The following ZNF605 variants were observed in gnomAD, a reference collection of about 807,000 sequenced individuals.
ZNF605 encodes the protein zinc finger protein 605.
Under a neutral mutation model 7.9 loss-of-function variants are expected in ZNF605, and 9 were observed. That is an observed-to-expected ratio of 1.14 (90% CI 0.68 to 1.98). ZNF605 has a LOEUF of 1.98. Among genes scored for constraint, ZNF605 ranks in the 30% most tolerant of loss-of-function variants. The pLI, the probability that ZNF605 is intolerant of heterozygous loss-of-function variation, is 0.00. For synonymous variants in ZNF605, 255 were observed against 260.1 expected, an observed-to-expected ratio of 0.98 and a Z score of 0.19; for missense variants, 673 against 762.4, an observed-to-expected ratio of 0.88 and a Z score of 1.38.
chr12:132,944,374 G>T (rs968846868), intron 3 of ZNF605, among the ~76,000 whole-genome samples: 4 of 152,142 alleles, frequency 2.6e-5, no homozygotes, highest in Non-Finnish European at 4.4e-5. Context: ...TGACTAGGTG[G>T]TAAGAATTCC....
Position 132,954,225 on chromosome 12 carries a change from C to T in ZNF605, c.-286+2018G>A, listed in dbSNP as rs373376924. Among the ~76,000 whole-genome samples, 4 of 149,974 alleles carry T rather than the reference C, an allele frequency of 2.7e-5. No individual in the cohort carries two copies. The East Asian group carries it at 6.1e-4, about 23-fold the overall frequency. Reference sequence around the variant, plus strand: ...AGGGCTTTTAAATACAGATGCCAGACACCATAATCACCAGCACCCCCAAAG... The same window carrying T: ...AGGGCTTTTAAATACAGATGCCAGATACCATAATCACCAGCACCCCCAAAG... On this transcript the variant is annotated intron_variant, in intron 1 of 4. Transcript: ENST00000360187.
Position 132,925,329 on chromosome 12 carries a change from G to T in ZNF605, c.*44C>A. 1 of 1,426,794 alleles carries T rather than the reference G, an allele frequency of 7.0e-7. No individual in the cohort carries two copies. The highest frequency in any genetic ancestry group is 1.4e-5 in the South Asian group (1 of 72,300). 88.4% of individuals were successfully genotyped at this position (1,426,794 alleles called of 1,614,324 possible). A position where few individuals can be genotyped will look rare whatever the true frequency, so the allele number is the denominator to read the frequency against. On this transcript the variant is annotated 3_prime_UTR_variant, in exon 5 of 5. Transcript: ENST00000360187. ...CATCCTCAAAAGTGTCAGAAAGTAT[G>T]ACACTTGATAGCAACCTTTCTGCAT...
intron 1 of ZNF605, among the ~76,000 whole-genome samples, chr12:132,954,495 G>C (rs1242556774): frequency 7.1e-6 from 1 of 140,660 alleles, no homozygotes; most frequent in Non-Finnish European, 1.5e-5. Context: ...GTCCTGGGAC[G>C]AACACACTGG....
Position 132,925,713 on chromosome 12 carries a change from C to T in ZNF605, c.1586G>A (p.Gly529Glu). Residue 529 changes from glycine (G) to glutamate (E), a missense_variant, in exon 5 of 5, where the codon GGG (glycine) becomes GAG (glutamate). Transcript: ENST00000360187. Reference sequence around the variant, plus strand: ...TTCACTGCATTCATAGGGTTTCTCCCCTGTATGAATTCTCTGATGCCTAAG... The same window carrying T: ...TTCACTGCATTCATAGGGTTTCTCCTCTGTATGAATTCTCTGATGCCTAAG... ...QLLRHQRIHT[G>E]EKPYECSECG... 1.9e-6 allele frequency: 3 copies of T among 1,614,180 alleles called. No individual in the cohort carries two copies. The highest frequency in any genetic ancestry group is 2.5e-6 in the Non-Finnish European group (3 of 1,180,014).
Position 132,941,574 on chromosome 12 carries a change from C to T in ZNF605, c.15+4047G>A, listed in dbSNP as rs199932814. ...CCCAATCATGGGGCGTCTGAGGAAC[C>T]GTATCGCTCACGAGCAACAGGGTAA... On this transcript the variant is annotated intron_variant, in intron 3 of 4. Coordinates refer to ENST00000360187, the MANE Select transcript of ZNF605 (RefSeq NM_183238.4). The surrounding 1 kb of genome is among the most constrained non-coding windows in gnomAD (Gnocchi z 5.1). 9.8e-5 allele frequency among the ~76,000 whole-genome samples: 15 copies of T among 152,348 alleles called. 1 individual carries two copies. The East Asian group carries it at 2.3e-3, about 24-fold the overall frequency.
chr12:132,951,064 G>C (rs1170907767), intron 1 of ZNF605, among the ~76,000 whole-genome samples: 4 of 149,432 alleles, frequency 2.7e-5, no homozygotes, highest in Non-Finnish European at 5.9e-5. Context: ...ATCATACACA[G>C]ACATGTACAC....
At chr12:132,946,498 C>G (rs1168191467) in intron 2 of ZNF605, among the ~76,000 whole-genome samples, 1 of 152,210 alleles carries the variant, frequency 6.6e-6, no homozygotes, top group Non-Finnish European at 1.5e-5. Context: ...GTTGCCTCTT[C>G]CCCAGTTCAC....
At chr12:132,954,306 C>A (rs952387063) in intron 1 of ZNF605, among the ~76,000 whole-genome samples, 22 of 139,958 alleles carry the variant, frequency 1.6e-4, no homozygotes, top group Admixed American at 3.7e-4. Flanking sequence ...CCAAAGGATC[C>A]CCACAGAACT....
rs61170221 is a variant in ZNF605, at chr12:132,936,766, GAAGAAAACCA to G, written c.16-3621_16-3612del. Among the ~76,000 whole-genome samples, 7,099 of 152,082 alleles carry G rather than the reference GAAGAAAACCA, an allele frequency of 0.047. 963 individuals carry two copies. In the East Asian group the frequency reaches 0.52, roughly 11 times the overall value. ...AACATAAAAAACTATAAAACTTTTAGAAGAAAACCAAAGAAAACCTGTGTGACTTTGGGTT... is the reference window on the plus strand; with the variant it reads ...AACATAAAAAACTATAAAACTTTTAGAAGAAAACCTGTGTGACTTTGGGTT... On this transcript the variant is annotated intron_variant, in intron 3 of 4. Coordinates refer to ENST00000360187, the MANE Select transcript of ZNF605 (RefSeq NM_183238.4).
intron 1 of ZNF605, among the ~76,000 whole-genome samples, chr12:132,955,328 T>G (rs1952625345): frequency 6.6e-6 from 1 of 152,180 alleles, no homozygotes. Flanking sequence ...CAGCCTGTTC[T>G]CAGGCGAGGC....
Position 132,927,093 on chromosome 12 carries a change from C to A in ZNF605, c.206G>T (p.Gly69Val), listed in dbSNP as rs1375530440. ...NQDNLKSMER[G>V]HKYDVFGKIF... ...TTTTCCAAAAACATCATATTTATGG[C>A]CTCTCTCCATACTTTTAAGGTTGTC... The change falls in exon 5 of 5, where the codon GGC (glycine) becomes GTC (valine). Residue 69 changes from glycine to valine, a missense_variant. Gly to Val is a moderately radical substitution (Grantham distance 109). Coordinates refer to ENST00000360187, the MANE Select transcript of ZNF605 (RefSeq NM_183238.4). The A allele has an allele frequency of 4.4e-6, 7 of 1,598,604 alleles. No individual in the cohort carries two copies. In the African/African-American group the frequency reaches 6.7e-5, roughly 15 times the overall value.
At position 132,926,407 on chromosome 12, in the gene ZNF605, T is replaced by G; in HGVS notation, c.892A>C (p.Thr298Pro). ...KAFSQKLKLI[T>P]HQRAHTGEKP... ...TCTCCTGTGTGCGCTCTCTGATGTGTGATGAGTTTTAATTTCTGGGAGAAT... is the reference window on the plus strand; with the variant it reads ...TCTCCTGTGTGCGCTCTCTGATGTGGGATGAGTTTTAATTTCTGGGAGAAT... Residue 298 changes from threonine (T) to proline (P), a missense_variant, in exon 5 of 5, where the codon ACA (threonine) becomes CCA (proline). By Grantham distance (38) the Thr-to-Pro change is conservative (BLOSUM62 -1). Transcript: ENST00000360187. 6.2e-7 allele frequency: 1 copy of G among 1,613,962 alleles called. No homozygotes were observed. Among genetic ancestry groups the G allele is most frequent in the East Asian group, 2.2e-5 (1 of 44,852 alleles).
chr12:132,950,779 T>C, intron 1 of ZNF605, among the ~76,000 whole-genome samples: 1 of 149,910 alleles, frequency 6.7e-6, no homozygotes, highest in East Asian at 2.0e-4. Flanking sequence ...CACAGACATG[T>C]ACACACAGAC....
intron 1 of ZNF605, among the ~76,000 whole-genome samples, chr12:132,954,564 G>A (rs1222023512): frequency 1.3e-5 from 2 of 150,300 alleles, no homozygotes; most frequent in Non-Finnish European, 3.0e-5. Context: ...CCCCTCCCCT[G>A]TAACTGACAT....
At chr12:132,951,379 T>G (rs997245705) in intron 1 of ZNF605, among the ~76,000 whole-genome samples, 2 of 144,418 alleles carry the variant, frequency 1.4e-5, no homozygotes, top group African/African-American at 2.7e-5. Context: ...ACATCACACA[T>G]ATACGTACAC....
In ZNF605 at chr12:132,923,842, T is replaced by C. The variant is rs1171284004; in HGVS notation, c.*1531A>G. 3 of 152,218 alleles carry C rather than the reference T, an allele frequency of 2.0e-5. No individual in the cohort carries two copies. The highest frequency in any genetic ancestry group is 1.5e-5 in the Non-Finnish European group (1 of 68,044). The allele number at this position is 152,218 out of a possible 1,614,324, so 9.4% of individuals were successfully genotyped here. On this transcript the variant is annotated 3_prime_UTR_variant, in exon 5 of 5. Transcript: ENST00000360187. ...TTAAACATATATTACACTACTGTAA[T>C]GGTTTTCCTATTCTCTTCCTCTTCT...
At position 132,926,663 on chromosome 12, in the gene ZNF605, G is replaced by A; in HGVS notation, c.636C>T (p.Leu212=). 6.2e-7 allele frequency: 1 copy of A among 1,613,670 alleles called. No homozygotes were observed. Among genetic ancestry groups the A allele is most frequent in the Non-Finnish European group, 8.5e-7 (1 of 1,179,910 alleles). Residue 212 remains leucine, a synonymous_variant, in exon 5 of 5, where the codon CTC becomes CTT. Coordinates refer to ENST00000360187, the MANE Select transcript of ZNF605 (RefSeq NM_183238.4). ...CTGAGTGAGTTCTTTGATGAACCGT[G>A]AGCAGTGACTTCTGTGAAAAGGCTT... is the stretch of plus-strand genomic sequence containing the variant. ...CGKAFSQKSL[L]TVHQRTHSGE...
At position 132,932,799 on chromosome 12, in the gene ZNF605, T is replaced by A. The variant is rs1952321021; in HGVS notation, c.136+236A>T. The A allele has an allele frequency of 2.6e-6, 4 of 1,535,740 alleles. No individual in the cohort carries two copies. The East Asian group carries it at 9.8e-5, about 38-fold the overall frequency. ...GAACATTGCATCAGGTTTGAGAATT[T>A]GAAAACCTGTCGATTGGAAACACAG... On this transcript the variant is annotated intron_variant, in intron 4 of 4. Transcript: ENST00000360187.
chr12:132,953,915 C>G (rs1439024936), intron 1 of ZNF605, among the ~76,000 whole-genome samples: 3 of 152,060 alleles, frequency 2.0e-5, no homozygotes, highest in African/African-American at 7.2e-5. Flanking sequence ...TCCTCACAGA[C>G]CTCACTGCCC....
Sources: allele counts gnomAD v4.1 joint callset (sites outside exome capture counted in the v4.1 genomes callset), GRCh38; gene constraint gnomAD v4.1.1; non-coding constraint Gnocchi (gnomAD v3.1); transcripts MANE v1.5; gene names NCBI Gene and HGNC (gene_info 2026-07-23, HGNC 2026-07-21).